Variants in USP43 observed in about 807,000 individuals in gnomAD.
The protein encoded by USP43 is ubiquitin carboxyl-terminal hydrolase 43.
A neutral mutation model predicts 90.7 loss-of-function variants in USP43; 33 were observed. The observed-to-expected ratio is 0.36, with a 90% CI of 0.28 to 0.49. The LOEUF (loss-of-function observed/expected upper bound fraction) is 0.49, where lower values mean the gene tolerates loss of function less well. Among genes scored for constraint, USP43 ranks in the 20% least tolerant of loss-of-function variants. The pLI is 0.98. For synonymous variants in USP43, 598 were observed against 615.8 expected, an observed-to-expected ratio of 0.97 and a Z score of 0.43; for missense variants, 1,274 against 1,476.4, an observed-to-expected ratio of 0.86 and a Z score of 2.25.
At chr17:9,676,190 G>A (rs1913761750) in intron 4 of USP43, among the ~76,000 whole-genome samples, 1 of 152,140 alleles carries the variant, frequency 6.6e-6, no homozygotes, top group Non-Finnish European at 1.5e-5. Context: ...TTAACAACTA[G>A]AGCCTTGAGA....
At position 9,701,576 on chromosome 17, in the gene USP43, A is replaced by T; in HGVS notation, c.1887A>T (p.Gly629=). 3 of 1,570,692 alleles carry T rather than the reference A, an allele frequency of 1.9e-6. No individual in the cohort carries two copies. Among genetic ancestry groups the T allele is most frequent in the Non-Finnish European group, 2.6e-6 (3 of 1,158,492 alleles). The change falls in exon 12 of 15, where the codon GGA becomes GGT. Residue 629 remains glycine (G), a synonymous_variant. Coordinates refer to ENST00000285199, the MANE Select transcript of USP43 (RefSeq NM_153210.5). This position sits in a 1 kb window ranked among gnomAD's most constrained non-coding sequence, Gnocchi z 7.2. The part of the protein sequence containing the change: ...VAQRSTSPEA[G]LGPWPSWKQP... ...AGAGAAGCACCAGCCCTGAGGCAGGACTGGGCCCCTGGCCTTCCTGGAAGC... is the reference window on the plus strand; with the variant it reads ...AGAGAAGCACCAGCCCTGAGGCAGGTCTGGGCCCCTGGCCTTCCTGGAAGC...
intron 12 of USP43, among the ~76,000 whole-genome samples, chr17:9,707,566 G>C (rs9897052): frequency 0.16 from 23,242 of 148,270 alleles, 2,041 homozygotes; most frequent in African/African-American, 0.25. Context: ...AGAATGGCGT[G>C]AACCCGGGAG....
rs117414425 is a variant in USP43, at chr17:9,661,109, G to A, written c.636+4575G>A. ...AACTGGAATAAAAACCATAAGGGCC[G>A]CTTTCTTTTCTGTTAATTTACTGAT... On this transcript the variant is annotated intron_variant, in intron 2 of 14. Transcript: ENST00000285199. Among the ~76,000 whole-genome samples the A allele has an allele frequency of 4.8e-3, 729 of 152,228 alleles. 3 individuals carry two copies. The highest frequency in any genetic ancestry group is 7.2e-3 in the Non-Finnish European group (491 of 68,012).
chr17:9,692,048 A>G (rs1027211282), intron 8 of USP43, among the ~76,000 whole-genome samples: 5 of 149,898 alleles, frequency 3.3e-5, no homozygotes, highest in African/African-American at 1.2e-4. Flanking sequence ...TCTCGAAAAA[A>G]AAAGAAAATT....
chr17:9,717,265 G>A (rs1444650130), intron 14 of USP43, among the ~76,000 whole-genome samples: 1 of 151,456 alleles, frequency 6.6e-6, no homozygotes, highest in Non-Finnish European at 1.5e-5. Context: ...GCCATTACCA[G>A]TAGTCCTGTT....
chr17:9,645,412 G>A, upstream of USP43: 1 of 293,204 alleles, frequency 3.4e-6, no homozygotes, highest in Non-Finnish European at 6.1e-6. The surrounding 1 kb of genome is among the most constrained non-coding windows in gnomAD (Gnocchi z 6.8). Flanking sequence ...CCAGGCAGGG[G>A]TAGGGGTGGC....
At chr17:9,695,340 T>A (rs924638325) in intron 9 of USP43, among the ~76,000 whole-genome samples, 4 of 152,114 alleles carry the variant, frequency 2.6e-5, no homozygotes, top group African/African-American at 9.7e-5. Context: ...AACATAAAAT[T>A]ACTTTTTTTT....
intron 2 of USP43, among the ~76,000 whole-genome samples, chr17:9,660,781 C>G (rs1912589372): frequency 6.6e-6 from 1 of 152,184 alleles, no homozygotes; most frequent in Non-Finnish European, 1.5e-5. Flanking sequence ...TGGCTATTGG[C>G]TAGAGAGAGG....
In USP43 at chr17:9,676,888, T is replaced by C. The variant is rs897948142; in HGVS notation, c.969+7T>C. On this transcript the variant is annotated splice_region_variant and intron_variant, in intron 5 of 14. Coordinates refer to ENST00000285199, the MANE Select transcript of USP43 (RefSeq NM_153210.5). Reference sequence around the variant, plus strand: ...AGGCGTCCCTGCAGATGAGGTGTGATAGAATTGCACTGGGGCCTGGTCATT... The same window carrying C: ...AGGCGTCCCTGCAGATGAGGTGTGACAGAATTGCACTGGGGCCTGGTCATT... The C allele has an allele frequency of 5.6e-6, 9 of 1,612,912 alleles. No individual in the cohort carries two copies. Among genetic ancestry groups the C allele is most frequent in the Non-Finnish European group, 7.6e-6 (9 of 1,179,364 alleles).
At position 9,646,061 on chromosome 17, in the gene USP43, C is replaced by G. The variant is rs1911372063; in HGVS notation, c.429C>G (p.Val143=). 6.6e-7 allele frequency: 1 copy of G among 1,506,662 alleles called. No homozygotes were observed. The highest frequency in any genetic ancestry group is 8.9e-7 in the Non-Finnish European group (1 of 1,128,554). The allele number at this position is 1,506,662 out of a possible 1,614,324, so 93.3% of individuals were successfully genotyped here. The change falls in exon 1 of 15, where the codon GTC becomes GTG. Residue 143 remains valine, a synonymous_variant. Transcript: ENST00000285199. ...GGGCGGCTCCGGGCCGCGCCGAGGT[C>G]ACCGAGCAGCTGGCGGCGCTGGTGC... The part of the protein sequence containing the change: ...RYRAAPGRAE[V]TEQLAALVRA...
chr17:9,655,733 G>A lies in USP43; in HGVS notation c.505-670G>A, dbSNP rs368618046. Among the ~76,000 whole-genome samples, 42 of 152,300 alleles carry A rather than the reference G, an allele frequency of 2.8e-4. No individual in the cohort carries two copies. In the East Asian group the frequency reaches 4.4e-3, roughly 16 times the overall value. On this transcript the variant is annotated intron_variant, in intron 1 of 14. Coordinates refer to ENST00000285199, the MANE Select transcript of USP43 (RefSeq NM_153210.5). The stretch of plus-strand genomic sequence containing the variant: ...CCCGGTCCCTAGAATAGTGCCTGGC[G>A]TGTGGTTGGCACTCAATGCATATTT...
chr17:9,713,349 A>G (rs908542645), intron 14 of USP43, among the ~76,000 whole-genome samples: 1 of 152,082 alleles, frequency 6.6e-6, no homozygotes, highest in Non-Finnish European at 1.5e-5. Flanking sequence ...TCGGCCTCCC[A>G]AAGTGCTGGG....
intron 14 of USP43, among the ~76,000 whole-genome samples, chr17:9,715,614 G>A (rs976641205): frequency 1.3e-5 from 2 of 149,646 alleles, no homozygotes; most frequent in African/African-American, 4.9e-5. Flanking sequence ...GTGTCTCTGT[G>A]AGTGTATGTC....
At chr17:9,680,440 A>C in intron 6 of USP43, 74 bp downstream of exon 6, 1 of 1,542,528 alleles carries the variant, frequency 6.5e-7, no homozygotes, top group South Asian at 1.2e-5. Flanking sequence ...CCTTGGGTGC[A>C]AAGGCATAAA....
chr17:9,652,597 G>A (rs1031802980), intron 1 of USP43, among the ~76,000 whole-genome samples: 22 of 151,922 alleles, frequency 1.4e-4, no homozygotes, highest in Non-Finnish European at 2.9e-4. Context: ...TCCTGACCTC[G>A]TTTCCTGCCT....
intron 10 of USP43, 38 bp downstream of exon 10, chr17:9,700,287 C>A (rs1439569922): frequency 6.4e-7 from 1 of 1,557,854 alleles, no homozygotes; most frequent in South Asian, 1.2e-5. Flanking sequence ...AGAGCTGAGA[C>A]AGGGCCTGTG....
At chr17:9,689,376 C>T (rs893696665) in intron 8 of USP43, among the ~76,000 whole-genome samples, 19 of 151,110 alleles carry the variant, frequency 1.3e-4, no homozygotes, top group African/African-American at 4.4e-4. Flanking sequence ...GATTAATTTG[C>T]ATGTATTATG....
At chr17:9,699,331 C>T (rs1255432509) in intron 9 of USP43, among the ~76,000 whole-genome samples, 2 of 150,606 alleles carry the variant, frequency 1.3e-5, no homozygotes, top group Non-Finnish European at 2.9e-5. Context: ...GAACTTCTCC[C>T]AGACACGCCT....
chr17:9,658,805 T>G (rs1273387649), intron 2 of USP43, among the ~76,000 whole-genome samples: 1 of 152,216 alleles, frequency 6.6e-6, no homozygotes, highest in Non-Finnish European at 1.5e-5. Context: ...GGGACTCAGA[T>G]CACGTCAACA....
Sources: gnomAD v4.1 joint callset for allele counts (sites outside exome capture counted in the v4.1 genomes callset) on GRCh38, gnomAD v4.1.1 for gene constraint, Gnocchi (gnomAD v3.1) non-coding constraint, MANE v1.5 for transcripts, NCBI Gene and HGNC (gene_info 2026-07-23, HGNC 2026-07-21) for gene names.